The following NINL variants were observed in gnomAD, a reference collection of about 807,000 sequenced individuals.
The protein encoded by NINL is ninein-like protein.
Under a neutral mutation model 160.3 loss-of-function variants are expected in NINL, and 153 were observed. The observed-to-expected ratio is 0.95, with a 90% CI of 0.84 to 1.09. The LOEUF (loss-of-function observed/expected upper bound fraction) is 1.09. Among genes scored for constraint, NINL ranks in the 50% least tolerant of loss-of-function variants. The pLI, the probability that NINL is intolerant of heterozygous loss-of-function variation, is 0.00. For missense variants in NINL, 1,829 were observed against 1,764.0 expected, an observed-to-expected ratio of 1.04 and a Z score of -0.66; for synonymous variants, 800 against 734.8, an observed-to-expected ratio of 1.09 and a Z score of -1.43.
chr20:25,478,950 C>A lies in NINL; in HGVS notation c.2174G>T (p.Arg725Leu). The A allele has an allele frequency of 6.4e-7, 1 of 1,565,898 alleles. No homozygotes were observed. Among genetic ancestry groups the A allele is most frequent in the South Asian group, 1.1e-5 (1 of 88,202 alleles). Residue 725 changes from arginine to leucine, a missense_variant, in exon 16 of 24, where the codon CGG becomes CTG. Coordinates refer to ENST00000278886, the MANE Select transcript of NINL (RefSeq NM_025176.6). ...CTQALCGLALRHHSHLQQIRR... is the reference protein window; with the variant it reads ...CTQALCGLALLHHSHLQQIRR... The stretch of plus-strand genomic sequence containing the variant: ...GATCTGCTGCAGGTGGCTGTGATGC[C>A]GCAGGGCCAGGCCACACAGTGCCTG...
chr20:25,561,188 C>T (rs547125483), intron 1 of NINL, among the ~76,000 whole-genome samples: 7 of 152,316 alleles, frequency 4.6e-5, no homozygotes, highest in South Asian at 4.1e-4. Flanking sequence ...AGGCGCGCGC[C>T]GCCACGCCTG....
chr20:25,464,101 T>C (rs1329787265), intron 19 of NINL, among the ~76,000 whole-genome samples: 8 of 152,256 alleles, frequency 5.3e-5, no homozygotes, highest in African/African-American at 1.9e-4. Context: ...GATTTTCTTC[T>C]ATTCACCTTT....
chr20:25,566,557 A>C (rs148040675), intron 1 of NINL, among the ~76,000 whole-genome samples: 157 of 152,352 alleles, frequency 1.0e-3, no homozygotes, highest in African/African-American at 3.6e-3. Flanking sequence ...AAAGTGGACA[A>C]CATACAAAAA....
chr20:25,455,688 A>G lies in NINL; in HGVS notation c.3942T>C (p.Asp1314=), dbSNP rs2090652970. The change falls in exon 23 of 24, where the codon GAT becomes GAC. Residue 1314 remains aspartate (D), a synonymous_variant. Coordinates refer to ENST00000278886, the MANE Select transcript of NINL (RefSeq NM_025176.6). ...CATCACTCACCTGCTCCTTCAGCTTATCCACTTTCTCTTGGAGGAGCATTT... is the reference window on the plus strand; with the variant it reads ...CATCACTCACCTGCTCCTTCAGCTTGTCCACTTTCTCTTGGAGGAGCATTT... The part of the protein sequence containing the change: ...NMEMLLQEKV[D]KLKEQFEKNT... 6.2e-7 allele frequency: 1 copy of G among 1,613,492 alleles called. No homozygotes were observed. The highest frequency in any genetic ancestry group is 8.5e-7 in the Non-Finnish European group (1 of 1,179,474).
rs1490703957 is a variant in NINL at position 25,517,774 on chromosome 20, CTT to C, written c.254_255del (p.Glu85GlyfsTer3). ...TTACCTGATTCCAAAGAACTACTGT[CTT>C]CATCTGAGGGGCGAACACCAGCATT... Reference protein sequence around the residue: ...SSNAGVRPSDEDSSSLESAAS... With the variant: ...SSNAGVRPSDXDSSSLESAAS... On this transcript the variant is annotated frameshift_variant, in exon 3 of 24. Coordinates refer to ENST00000278886, the MANE Select transcript of NINL (RefSeq NM_025176.6). LOFTEE classifies it high-confidence loss of function. The C allele has an allele frequency of 1.2e-6, 2 of 1,603,734 alleles. No individual in the cohort carries two copies. Among genetic ancestry groups the C allele is most frequent in the Admixed American group, 3.6e-5 (2 of 56,326 alleles).
chr20:25,455,294 C>T (rs2090639210), intron 23 of NINL, among the ~76,000 whole-genome samples: 1 of 152,130 alleles, frequency 6.6e-6, no homozygotes, highest in South Asian at 2.1e-4. Flanking sequence ...TCATCATGGC[C>T]CGAGGTCATG....
At chr20:25,524,453 T>G (rs1206788117) in intron 2 of NINL, among the ~76,000 whole-genome samples, 1 of 152,188 alleles carries the variant, frequency 6.6e-6, no homozygotes, top group Non-Finnish European at 1.5e-5. Flanking sequence ...TGGACACGCA[T>G]GGCTATCCCA....
intron 9 of NINL, 71 bp from the exon 10 acceptor site, chr20:25,496,874 G>A (rs536683519): frequency 1.3e-6 from 2 of 1,582,842 alleles, no homozygotes; most frequent in African/African-American, 1.4e-5. Context: ...AGGTGGCTCT[G>A]GGCCCCATAT....
Position 25,462,483 on chromosome 20 carries a change from T to C in NINL, c.3482A>G (p.Gln1161Arg). The change falls in exon 20 of 24, where the codon CAG becomes CGG. Residue 1161 changes from glutamine to arginine, a missense_variant. By Grantham distance (43) the Gln-to-Arg change is conservative (BLOSUM62 1). Transcript: ENST00000278886. ...TTGGGCCTGGTGGGTAGAAGCCTCC[T>C]GTCCCAGTTGAAGAACCCTGACATT... ...QLNVRVLQLG[Q>R]EASTHQAQNE... is the part of the protein sequence containing the mutation. 1 of 1,614,204 alleles carries C rather than the reference T, an allele frequency of 6.2e-7. No homozygotes were observed.
intron 17 of NINL, 23 bp from the exon 18 acceptor site, chr20:25,470,118 C>T (rs1187751074): frequency 6.3e-7 from 1 of 1,597,132 alleles, no homozygotes; most frequent in Admixed American, 1.7e-5. Context: ...TGAGAAAAGA[C>T]CGGTGAGCAC....
intron 13 of NINL, 46 bp downstream of exon 13, chr20:25,489,198 C>G (rs776527458): frequency 6.3e-7 from 1 of 1,577,394 alleles, no homozygotes; most frequent in Admixed American, 1.7e-5. Flanking sequence ...TGTGGAGACC[C>G]AGAGCCTGGA....
intron 1 of NINL, among the ~76,000 whole-genome samples, chr20:25,567,593 G>GA (rs1299470024): frequency 1.3e-5 from 2 of 151,142 alleles, no homozygotes; most frequent in Non-Finnish European, 3.0e-5. Flanking sequence ...GAAGCCAGAA[G>GA]AAAAAAAACC....
chr20:25,479,358 G>A (rs2063338827), intron 15 of NINL, 152 bp from the exon 16 acceptor site: 1 of 986,824 alleles, frequency 1.0e-6, no homozygotes, highest in African/African-American at 1.6e-5. Flanking sequence ...AGGGGACAGT[G>A]ACATGAATGT....
intron 15 of NINL, 66 bp from the exon 16 acceptor site, chr20:25,479,272 C>T: frequency 4.6e-6 from 7 of 1,529,316 alleles, no homozygotes; most frequent in Non-Finnish European, 6.2e-6. Context: ...GCTGACGTAA[C>T]ACAGAAACAC....
chr20:25,483,751 T>C (rs1485157225), intron 13 of NINL, among the ~76,000 whole-genome samples: 2 of 152,258 alleles, frequency 1.3e-5, no homozygotes, highest in Non-Finnish European at 2.9e-5. Context: ...GCTCAGTCAC[T>C]TGCTCTTTAA....
chr20:25,456,773 A>G (rs574320586), intron 22 of NINL, among the ~76,000 whole-genome samples: 2 of 150,958 alleles, frequency 1.3e-5, no homozygotes, highest in South Asian at 2.1e-4. Flanking sequence ...TCTACCAAAA[A>G]TACAAAAAAT....
At chr20:25,490,078 G>A in intron 11 of NINL, 93 bp from the exon 12 acceptor site, 1 of 1,164,494 alleles carries the variant, frequency 8.6e-7, no homozygotes, top group Non-Finnish European at 1.3e-6. Context: ...TCATAGGACT[G>A]GGCATCAGGA....
At chr20:25,505,270 G>A (rs2063940894) in intron 5 of NINL, among the ~76,000 whole-genome samples, 192 bp from the exon 6 acceptor site, 1 of 151,874 alleles carries the variant, frequency 6.6e-6, no homozygotes, top group Admixed American at 6.6e-5. Flanking sequence ...TCTAAGGAAA[G>A]GGGAACTCAC....
chr20:25,471,749 G>A (rs429120), intron 17 of NINL, among the ~76,000 whole-genome samples: 4,114 of 152,270 alleles, frequency 0.027, 178 homozygotes, highest in African/African-American at 0.09. Context: ...CACCAGACAG[G>A]GCCCTGGAAG....
Sources: gnomAD v4.1 joint callset for allele counts (sites outside exome capture counted in the v4.1 genomes callset) on GRCh38, gnomAD v4.1.1 for gene constraint, MANE v1.5 for transcripts, NCBI Gene and HGNC (gene_info 2026-07-23, HGNC 2026-07-21) for gene names.